EPHA6: variants seen among roughly 807,000 people sequenced by gnomAD.
EPHA6 encodes EPH receptor A6.
In EPHA6, 50 loss-of-function variants were observed where a neutral mutation model predicts 112.0. That is an observed-to-expected ratio of 0.45 (90% CI 0.36 to 0.56). EPHA6 has a LOEUF of 0.56. Ranked by LOEUF, EPHA6 falls within the 20% of genes least tolerant of loss-of-function variation. The pLI, the probability that EPHA6 is intolerant of heterozygous loss-of-function variation, is 0.00. For missense variants in EPHA6, 1,280 were observed against 1,417.4 expected (o/e 0.90, Z 1.56); for synonymous variants, 529 against 490.7 (o/e 1.08, Z -1.03).
intron 2 of EPHA6, among the ~76,000 whole-genome samples, chr3:96,953,829 C>A (rs1424966354): frequency 6.6e-6 from 1 of 152,070 alleles, no homozygotes; most frequent in Non-Finnish European, 1.5e-5. Context: ...TGTACTGCTG[C>A]TCTTCAAATC....
intron 2 of EPHA6, among the ~76,000 whole-genome samples, chr3:96,896,953 A>T (rs2038303851): frequency 6.6e-6 from 1 of 152,174 alleles, no homozygotes; most frequent in Non-Finnish European, 1.5e-5. Context: ...CCCAAATATT[A>T]TTATAGTATT....
intron 3 of EPHA6, among the ~76,000 whole-genome samples, chr3:97,088,182 A>AAATT (rs751296882): frequency 6.6e-6 from 1 of 152,058 alleles, no homozygotes; most frequent in Non-Finnish European, 1.5e-5. Flanking sequence ...TCCATCTAAA[A>AAATT]AATTAATTAA....
At chr3:97,307,881 A>C (rs2108743580) in intron 5 of EPHA6, among the ~76,000 whole-genome samples, 1 of 151,852 alleles carries the variant, frequency 6.6e-6, no homozygotes, top group South Asian at 2.1e-4. Context: ...TCAAACTGAG[A>C]TTTTCAACTG....
intron 2 of EPHA6, among the ~76,000 whole-genome samples, chr3:96,965,214 C>G (rs1271518521): frequency 6.6e-6 from 1 of 152,084 alleles, no homozygotes; most frequent in African/African-American, 2.4e-5. Context: ...TCTTGTCTGC[C>G]TATTAAGCTA....
At position 97,494,072 on chromosome 3, in the gene EPHA6, A is replaced by G. The variant is rs1026638024; in HGVS notation, c.2200+10013A>G. Among the ~76,000 whole-genome samples, 3 of 152,194 alleles carry G rather than the reference A, an allele frequency of 2.0e-5. 1 individual carries two copies. Among genetic ancestry groups the G allele is most frequent in the Admixed American group, 2.0e-4 (3 of 15,274 alleles). Reference sequence around the variant, plus strand: ...AGCCTAAGTGCTTTGACCAGGATGTACCTATTATGGGTTATCTTTGTAGTA... The same window carrying G: ...AGCCTAAGTGCTTTGACCAGGATGTGCCTATTATGGGTTATCTTTGTAGTA... On this transcript the variant is annotated intron_variant, in intron 10 of 17. Transcript: ENST00000389672.
At chr3:96,856,128 T>G (rs1235874512) in intron 1 of EPHA6, among the ~76,000 whole-genome samples, 2 of 152,054 alleles carry the variant, frequency 1.3e-5, no homozygotes, top group Non-Finnish European at 2.9e-5. Context: ...TAGTCCCAGC[T>G]ACTTGGGAAG....
chr3:97,349,191 T>C (rs1331670665), intron 5 of EPHA6, among the ~76,000 whole-genome samples: 3 of 152,098 alleles, frequency 2.0e-5, no homozygotes, highest in Non-Finnish European at 4.4e-5. Context: ...AATTCAATTT[T>C]AGTCTTATAA....
intron 11 of EPHA6, among the ~76,000 whole-genome samples, chr3:97,556,600 C>G (rs925064873): frequency 1.3e-5 from 2 of 151,988 alleles, no homozygotes. Context: ...ATTCAATTAC[C>G]TCCACCAGGT....
At chr3:97,716,171 C>G (rs2034209704) in intron 14 of EPHA6, among the ~76,000 whole-genome samples, 1 of 152,106 alleles carries the variant, frequency 6.6e-6, no homozygotes, top group Non-Finnish European at 1.5e-5. Flanking sequence ...AAAAAAAGTA[C>G]CTTAGTGCAT....
At chr3:96,995,706 C>T (rs546530589) in intron 3 of EPHA6, among the ~76,000 whole-genome samples, 30 of 152,244 alleles carry the variant, frequency 2.0e-4, no homozygotes, top group African/African-American at 6.7e-4. Flanking sequence ...ATTAGGTTTA[C>T]AATAGCATTG....
chr3:97,190,966 T>C (rs1279582152), intron 3 of EPHA6, among the ~76,000 whole-genome samples: 3 of 152,078 alleles, frequency 2.0e-5, no homozygotes, highest in Admixed American at 2.0e-4. Flanking sequence ...TGATATACAG[T>C]GTATCTCTTG....
At chr3:97,709,041 G>A (rs1576328848) in intron 14 of EPHA6, among the ~76,000 whole-genome samples, 2 of 152,094 alleles carry the variant, frequency 1.3e-5, no homozygotes, top group African/African-American at 4.8e-5. Context: ...GGAAAATGTG[G>A]GGTTGGAGCC....
rs565985987 is a variant in EPHA6, at chr3:97,381,047, C to A, written c.1607-24103C>A. Among the ~76,000 whole-genome samples the A allele has an allele frequency of 4.6e-5, 7 of 151,968 alleles. No homozygotes were observed. The South Asian group carries it at 1.2e-3, about 27-fold the overall frequency. On this transcript the variant is annotated intron_variant, in intron 5 of 17. Transcript: ENST00000389672. ...CTTGACCTTTATTATTAATTTTAGACTAAGTTGGCTTTAACATACCATAGG... is the reference window on the plus strand; with the variant it reads ...CTTGACCTTTATTATTAATTTTAGAATAAGTTGGCTTTAACATACCATAGG...
intron 5 of EPHA6, among the ~76,000 whole-genome samples, chr3:97,368,215 T>G (rs2084849014): frequency 6.6e-6 from 1 of 152,172 alleles, no homozygotes; most frequent in African/African-American, 2.4e-5. Flanking sequence ...ACCTTTTAAT[T>G]TCTATGGTCT....
At chr3:97,429,739 TCAAAC>T (rs751824357) in intron 6 of EPHA6, among the ~76,000 whole-genome samples, 43 of 152,222 alleles carry the variant, frequency 2.8e-4, no homozygotes, top group Non-Finnish European at 5.6e-4. Flanking sequence ...AATCCATTCT[TCAAAC>T]CAAACCAAAG....
At chr3:96,851,948 A>G (rs2035415632) in intron 1 of EPHA6, among the ~76,000 whole-genome samples, 1 of 152,156 alleles carries the variant, frequency 6.6e-6, no homozygotes, top group Admixed American at 6.5e-5. Context: ...TACTGGAGAA[A>G]TATCGTCTTT....
chr3:96,988,124 T>A, intron 3 of EPHA6, 131 bp downstream of exon 3: 1 of 590,898 alleles, frequency 1.7e-6, no homozygotes, highest in East Asian at 3.0e-5. Context: ...ATATAATGTA[T>A]ACTGATCAGA....
chr3:97,158,025 A>G (rs1250336744), intron 3 of EPHA6, among the ~76,000 whole-genome samples: 1 of 152,112 alleles, frequency 6.6e-6, no homozygotes, highest in African/African-American at 2.4e-5. Flanking sequence ...TACTTCTCCA[A>G]AAAAAGACAA....
chr3:97,363,301 AT>A (rs907971343), intron 5 of EPHA6, among the ~76,000 whole-genome samples: 10 of 140,572 alleles, frequency 7.1e-5, no homozygotes, highest in African/African-American at 2.6e-4. Context: ...TTATGTATTA[AT>A]TTTTTTTTCT....
Sources: allele counts gnomAD v4.1 joint callset (sites outside exome capture counted in the v4.1 genomes callset), GRCh38; gene constraint gnomAD v4.1.1; transcripts MANE v1.5; gene names NCBI Gene and HGNC (gene_info 2026-07-23, HGNC 2026-07-21).